Variants in ZNF827 observed in about 807,000 individuals in gnomAD.
ZNF827 encodes the protein zinc finger protein 827.
ZNF827 carries 13 observed loss-of-function variants against 102.4 expected under a neutral mutation model. The observed-to-expected ratio is 0.13, with a 90% confidence interval of 0.08 to 0.20. The LOEUF is 0.20. ZNF827 is among the 10% of genes least tolerant of loss of function. The probability of loss-of-function intolerance (pLI) is 1.00; values close to 1 mark genes in which losing one functional copy is unlikely to be tolerated. For missense variants in ZNF827, 1,103 were observed against 1,344.4 expected (o/e 0.82, Z 2.81); for synonymous variants, 523 against 536.2 (o/e 0.98, Z 0.34).
chr4:145,879,080 A>G (rs1163841719), intron 4 of ZNF827, among the ~76,000 whole-genome samples: 3 of 152,234 alleles, frequency 2.0e-5, no homozygotes, highest in Non-Finnish European at 2.9e-5. Flanking sequence ...GAAAATAAAC[A>G]GTGAAGCAGA....
intron 4 of ZNF827, among the ~76,000 whole-genome samples, chr4:145,872,233 G>A (rs1265813011): frequency 1.3e-5 from 2 of 152,164 alleles, no homozygotes; most frequent in African/African-American, 2.4e-5. Context: ...GTAGGACCTC[G>A]AAGGAGGTAA....
chr4:145,920,759 C>T (rs1049108340), intron 1 of ZNF827, among the ~76,000 whole-genome samples: 5 of 152,218 alleles, frequency 3.3e-5, no homozygotes, highest in Non-Finnish European at 7.4e-5. Flanking sequence ...TTCCCCCCTT[C>T]TTAATTTCAT....
At position 145,892,459 on chromosome 4, in the gene ZNF827, G is replaced by GGTACACTGCATCTGGCATTAATTCAC. The variant is rs747630294; in HGVS notation, c.1094-70_1094-45dup. ...AAAGGACCATTAAGGAAAACAAAAA[G>GGTACACTGCATCTGGCATTAATTCAC]GTACACTGCATCTGGCATTAATTCA... On this transcript the variant is annotated intron_variant, in intron 2 of 14. Transcript: ENST00000508784. 3.2e-6 allele frequency: 5 copies of GGTACACTGCATCTGGCATTAATTCAC among 1,553,998 alleles called. No homozygotes were observed. The African/African-American group carries it at 5.5e-5, about 17-fold the overall frequency.
chr4:145,773,580 CACTT>C (rs1294962559), intron 11 of ZNF827, among the ~76,000 whole-genome samples: 1 of 152,228 alleles, frequency 6.6e-6, no homozygotes, highest in Non-Finnish European at 1.5e-5. Context: ...TCCTCATTCT[CACTT>C]AATGACTCCT....
chr4:145,797,672 C>A (rs1740508293), intron 8 of ZNF827, among the ~76,000 whole-genome samples: 1 of 152,064 alleles, frequency 6.6e-6, no homozygotes, highest in African/African-American at 2.4e-5. Context: ...CCTTGTTTTT[C>A]TTGTTGGAGG....
chr4:145,883,244 C>A (rs1749824968), intron 4 of ZNF827, among the ~76,000 whole-genome samples: 1 of 152,126 alleles, frequency 6.6e-6, no homozygotes, highest in African/African-American at 2.4e-5. Context: ...GGTAACAGTG[C>A]ATACAAGTCA....
intron 7 of ZNF827, among the ~76,000 whole-genome samples, chr4:145,826,883 A>G (rs1319261662): frequency 6.6e-6 from 1 of 152,132 alleles, no homozygotes; most frequent in Non-Finnish European, 1.5e-5. Flanking sequence ...AGTAGCTGGG[A>G]TTACAGGCGT....
At chr4:145,769,756 A>G (rs1313512035) in intron 11 of ZNF827, among the ~76,000 whole-genome samples, 1 of 152,192 alleles carries the variant, frequency 6.6e-6, no homozygotes, top group Non-Finnish European at 1.5e-5. Flanking sequence ...GGTGAAGGAC[A>G]CCTGTGCACA....
intron 1 of ZNF827, among the ~76,000 whole-genome samples, chr4:145,919,627 G>A (rs1328195179): frequency 6.6e-6 from 1 of 152,170 alleles, no homozygotes; most frequent in East Asian, 1.9e-4. Context: ...ATACAGTGAT[G>A]AACCAGAAAT....
rs764379814 is a variant in ZNF827, at chr4:145,902,531, G to C, written c.728C>G (p.Pro243Arg). 3 of 1,614,138 alleles carry C rather than the reference G, an allele frequency of 1.9e-6. No individual in the cohort carries two copies. The highest frequency in any genetic ancestry group is 2.5e-6 in the Non-Finnish European group (3 of 1,180,034). Reference protein sequence around the residue: ...ETMRFESFSSPFSSQSASSTL... With the variant: ...ETMRFESFSSRFSSQSASSTL... ...AGAACTGGCAGACTGGGAGCTAAAA[G>C]GGGAGGAAAAGGACTCAAATCGCAT... is the stretch of plus-strand genomic sequence containing the variant. Residue 243 changes from proline (P) to arginine (R), a missense_variant, in exon 2 of 15, where the codon CCT becomes CGT. By Grantham distance (103) the Pro-to-Arg change is moderately radical. Coordinates refer to ENST00000508784, the MANE Select transcript of ZNF827 (RefSeq NM_001306215.2). This position sits in a 1 kb window ranked among gnomAD's most constrained non-coding sequence, Gnocchi z 4.3.
intron 8 of ZNF827, among the ~76,000 whole-genome samples, chr4:145,815,306 G>C (rs1742492929): frequency 6.6e-6 from 1 of 152,210 alleles, no homozygotes; most frequent in Non-Finnish European, 1.5e-5. Context: ...TGCATTTCTA[G>C]TGAACATCTT....
At chr4:145,802,728 C>T (rs766563114) in intron 8 of ZNF827, among the ~76,000 whole-genome samples, 10 of 152,250 alleles carry the variant, frequency 6.6e-5, no homozygotes, top group Middle Eastern at 3.4e-3. Context: ...GACATGAAGG[C>T]GGGAGAATAG....
chr4:145,918,135 C>T (rs1313711754), intron 1 of ZNF827, among the ~76,000 whole-genome samples: 2 of 152,022 alleles, frequency 1.3e-5, no homozygotes, highest in Non-Finnish European at 2.9e-5. Flanking sequence ...ATTTGCTCAA[C>T]TAATCAGGCT....
intron 5 of ZNF827, among the ~76,000 whole-genome samples, chr4:145,859,779 C>T (rs61696855): frequency 0.027 from 4,145 of 152,216 alleles, 194 homozygotes; most frequent in African/African-American, 0.093. Context: ...CACTGGATAG[C>T]GAGACCCTAG....
At chr4:145,937,206 A>C (rs933843700) in intron 1 of ZNF827, among the ~76,000 whole-genome samples, 1 of 149,702 alleles carries the variant, frequency 6.7e-6, no homozygotes, top group Non-Finnish European at 1.5e-5. Flanking sequence ...AGCCGGAGGG[A>C]GGGCGGAGAG....
chr4:145,888,250 T>C (rs924241406), intron 3 of ZNF827, among the ~76,000 whole-genome samples: 1 of 152,192 alleles, frequency 6.6e-6, no homozygotes, highest in East Asian at 1.9e-4. Flanking sequence ...TTGAGAGAAG[T>C]ATTAGCTCTA....
intron 1 of ZNF827, among the ~76,000 whole-genome samples, chr4:145,927,617 T>C (rs1022885131): frequency 1.3e-5 from 2 of 152,182 alleles, no homozygotes; most frequent in African/African-American, 4.8e-5. Flanking sequence ...AAGCAATTTA[T>C]AGTGGCCAAA....
chr4:145,888,071 T>G (rs1027083748), intron 3 of ZNF827, among the ~76,000 whole-genome samples: 1 of 152,230 alleles, frequency 6.6e-6, no homozygotes, highest in Admixed American at 6.5e-5. Flanking sequence ...TCTATGTGCA[T>G]GTATTTTATG....
At chr4:145,904,678 C>T (rs1751690914) in intron 1 of ZNF827, among the ~76,000 whole-genome samples, 1 of 152,072 alleles carries the variant, frequency 6.6e-6, no homozygotes, top group South Asian at 2.1e-4. Context: ...TATCATGAGT[C>T]AGTGTGTGTT....
Sources: allele counts gnomAD v4.1 joint callset (sites outside exome capture counted in the v4.1 genomes callset), GRCh38; gene constraint gnomAD v4.1.1; non-coding constraint Gnocchi (gnomAD v3.1); transcripts MANE v1.5; gene names NCBI Gene and HGNC (gene_info 2026-07-23, HGNC 2026-07-21).